ULK4: variants seen among roughly 807,000 people sequenced by gnomAD.
ULK4 encodes the protein inactive serine/threonine-protein kinase ULK4.
ULK4 carries 133 observed loss-of-function variants against 160.6 expected under a neutral mutation model. That is an observed-to-expected ratio of 0.83 (90% confidence interval 0.72 to 0.96). ULK4 has a LOEUF of 0.96. ULK4 is among the 40% of genes least tolerant of loss of function. The pLI, the probability that ULK4 is intolerant of heterozygous loss-of-function variation, is 0.00. For missense variants in ULK4, 1,580 were observed against 1,499.5 expected, an observed-to-expected ratio of 1.05 and a Z score of -0.89; for synonymous variants, 534 against 539.8, an observed-to-expected ratio of 0.99 and a Z score of 0.15.
intron 32 of ULK4, among the ~76,000 whole-genome samples, chr3:41,506,765 A>AAAAAAAAAAAAAAAAAAAAAAAT (rs1491135487): frequency 1.1e-3 from 12 of 10,448 alleles, no homozygotes; most frequent in Non-Finnish European, 2.0e-3. Context: ...AGTGTGATTT[A>AAAAAAAAAAAAAAAAAAAAAAAT]AAATATATAT....
intron 35 of ULK4, among the ~76,000 whole-genome samples, chr3:41,385,740 T>C (rs187080535): frequency 2.0e-5 from 3 of 152,264 alleles, no homozygotes; most frequent in East Asian, 1.9e-4. Context: ...TGATGTGTAG[T>C]TGGAAAAACA....
At chr3:41,761,319 CTA>C (rs1442360757) in intron 21 of ULK4, among the ~76,000 whole-genome samples, 4 of 125,330 alleles carry the variant, frequency 3.2e-5, no homozygotes, top group African/African-American at 1.3e-4. Flanking sequence ...ACATTATATA[CTA>C]TGTTATGTTA....
At chr3:41,755,588 T>C (rs2038771774) in intron 21 of ULK4, among the ~76,000 whole-genome samples, 2 of 152,154 alleles carry the variant, frequency 1.3e-5, no homozygotes, top group African/African-American at 4.8e-5. Flanking sequence ...TTATACTCTG[T>C]GGTCTAAGGA....
chr3:41,354,272 GC>G (rs970131817), intron 35 of ULK4, among the ~76,000 whole-genome samples: 3 of 152,168 alleles, frequency 2.0e-5, no homozygotes, highest in Non-Finnish European at 4.4e-5. Flanking sequence ...CTGAGCAGGG[GC>G]TATGTTGATA....
At chr3:41,592,258 T>C (rs1235657027) in intron 31 of ULK4, among the ~76,000 whole-genome samples, 1 of 152,168 alleles carries the variant, frequency 6.6e-6, no homozygotes, top group East Asian at 1.9e-4. Context: ...TTTAGAGAGC[T>C]GAGTCAATTT....
chr3:41,496,184 G>A (rs2084981207), intron 32 of ULK4, among the ~76,000 whole-genome samples: 2 of 151,948 alleles, frequency 1.3e-5, no homozygotes, highest in African/African-American at 4.8e-5. Flanking sequence ...TGAACAAAGA[G>A]AAGGAAATAT....
rs552338717 is a variant in ULK4 at position 41,689,022 on chromosome 3, G to A, written c.2782-7218C>T. Among the ~76,000 whole-genome samples, 45 of 152,262 alleles carry A rather than the reference G, an allele frequency of 3.0e-4. No homozygotes were observed. The South Asian group carries it at 7.9e-3, about 27-fold the overall frequency. ...TTTTGTACTCTTCCAACTTAGGGCC[G>A]ACTAGAGAAAGCCAAAAATGTTCCC... On this transcript the variant is annotated intron_variant, in intron 27 of 36. Transcript: ENST00000301831.
intron 12 of ULK4, among the ~76,000 whole-genome samples, chr3:41,904,718 C>T (rs765765726): frequency 4.6e-5 from 7 of 152,136 alleles, no homozygotes; most frequent in Non-Finnish European, 8.8e-5. Flanking sequence ...ATACACTTCA[C>T]ATTACATCAA....
intron 36 of ULK4, among the ~76,000 whole-genome samples, chr3:41,247,569 TC>T (rs1284303536): frequency 6.6e-6 from 1 of 151,484 alleles, no homozygotes; most frequent in Non-Finnish European, 1.5e-5. Context: ...CGTGGCACAC[TC>T]TTGACTGCAC....
intron 35 of ULK4, among the ~76,000 whole-genome samples, chr3:41,370,791 A>G (rs1225360480): frequency 1.3e-5 from 2 of 152,200 alleles, no homozygotes; most frequent in Non-Finnish European, 2.9e-5. Flanking sequence ...GTCAGCATGA[A>G]AGAACTGTTC....
intron 32 of ULK4, among the ~76,000 whole-genome samples, chr3:41,558,150 T>C (rs1008509048): frequency 1.3e-5 from 2 of 152,164 alleles, no homozygotes; most frequent in African/African-American, 2.4e-5. Context: ...TGTGAAAGGA[T>C]ACATGTATAA....
At chr3:41,903,501 C>T (rs1303716412) in intron 12 of ULK4, among the ~76,000 whole-genome samples, 1 of 151,650 alleles carries the variant, frequency 6.6e-6, no homozygotes, top group Non-Finnish European at 1.5e-5. Context: ...AGGAGAATCA[C>T]TTGAACCCGG....
intron 27 of ULK4, among the ~76,000 whole-genome samples, chr3:41,691,177 C>G (rs753090003): frequency 3.3e-5 from 5 of 151,878 alleles, no homozygotes; most frequent in Admixed American, 6.6e-5. Flanking sequence ...AAAGGAAGAA[C>G]TGCCTCAAGT....
At chr3:41,275,331 T>C (rs1397065376) in intron 35 of ULK4, among the ~76,000 whole-genome samples, 1 of 152,250 alleles carries the variant, frequency 6.6e-6, no homozygotes, top group Non-Finnish European at 1.5e-5. Flanking sequence ...TATAGCACTT[T>C]GTTAAGGGTT....
intron 4 of ULK4, among the ~76,000 whole-genome samples, 198 bp from the exon 5 acceptor site, chr3:41,932,204 T>C (rs2148822952): frequency 6.6e-6 from 1 of 152,338 alleles, no homozygotes; most frequent in East Asian, 1.9e-4. Context: ...AAAAATTAAA[T>C]TGTTCATTCT....
Position 41,751,664 on chromosome 3 carries a change from A to G in ULK4, c.2321+2697T>C, listed in dbSNP as rs115415057. 2.4e-3 allele frequency among the ~76,000 whole-genome samples: 371 copies of G among 152,320 alleles called. 1 individual carries two copies. The highest frequency in any genetic ancestry group is 8.0e-3 in the African/African-American group (331 of 41,576). On this transcript the variant is annotated intron_variant, in intron 22 of 36. Transcript: ENST00000301831. Reference sequence around the variant, plus strand: ...GGAAGGACCACATGTGTCATACCCAATCTCTGAAGGTGTAAGTGGTTTAGT... The same window carrying G: ...GGAAGGACCACATGTGTCATACCCAGTCTCTGAAGGTGTAAGTGGTTTAGT...
chr3:41,935,930 T>C lies in ULK4; in HGVS notation c.249A>G (p.Leu83=). ...LVVELCTGGS[L]KTVIAQDENL... is the part of the protein sequence containing the mutation. ...TTTCATCTTGAGCAATAACTGTTTT[T>C]AAGGAACCACCTGCAAGAGGTTGAT... is the stretch of plus-strand genomic sequence containing the variant. The change falls in exon 4 of 37, where the codon TTA becomes TTG. Residue 83 remains leucine (L), a synonymous_variant. Coordinates refer to ENST00000301831, the MANE Select transcript of ULK4 (RefSeq NM_017886.4). 1 of 1,613,504 alleles carries C rather than the reference T, an allele frequency of 6.2e-7. No homozygotes were observed. The highest frequency in any genetic ancestry group is 8.5e-7 in the Non-Finnish European group (1 of 1,179,848).
chr3:41,354,409 C>A (rs2080987670), intron 35 of ULK4, among the ~76,000 whole-genome samples: 3 of 152,144 alleles, frequency 2.0e-5, no homozygotes, highest in Admixed American at 6.6e-5. Context: ...TAGATTGTAT[C>A]CACTATAAAT....
intron 22 of ULK4, among the ~76,000 whole-genome samples, chr3:41,743,137 T>C (rs914008495): frequency 1.3e-5 from 2 of 151,808 alleles, no homozygotes; most frequent in African/African-American, 4.9e-5. Flanking sequence ...AAACTCCAAA[T>C]AGGATTAAAC....
Sources: allele counts gnomAD v4.1 joint callset (sites outside exome capture counted in the v4.1 genomes callset), GRCh38; gene constraint gnomAD v4.1.1; transcripts MANE v1.5; gene names NCBI Gene and HGNC (gene_info 2026-07-23, HGNC 2026-07-21).